The following MAGI2 variants were observed in gnomAD, a reference collection of about 807,000 sequenced individuals.
MAGI2 encodes membrane associated guanylate kinase, WW and PDZ domain containing 2.
A neutral mutation model predicts 133.3 loss-of-function variants in MAGI2; 35 were observed. The ratio of observed to expected loss-of-function variants is 0.26; its 90% confidence interval spans 0.20 to 0.35. The LOEUF (loss-of-function observed/expected upper bound fraction) is 0.35, where lower values mean the gene tolerates loss of function less well. Among genes scored for constraint, MAGI2 ranks in the 10% least tolerant of loss-of-function variants. The probability of loss-of-function intolerance (pLI) is 1.00; values close to 1 mark genes in which losing one functional copy is unlikely to be tolerated. For missense variants in MAGI2, 1,636 were observed against 1,863.4 expected (o/e 0.88, Z 2.25); for synonymous variants, 729 against 710.6 (o/e 1.03, Z -0.41).
At chr7:78,182,237 G>T (rs892679170) in intron 13 of MAGI2, among the ~76,000 whole-genome samples, 10 of 152,082 alleles carry the variant, frequency 6.6e-5, no homozygotes, top group Non-Finnish European at 1.2e-4. Flanking sequence ...AATCAAAAAA[G>T]GTTATTAAAC....
chr7:78,410,873 C>G (rs1797809177), intron 6 of MAGI2, among the ~76,000 whole-genome samples: 1 of 151,868 alleles, frequency 6.6e-6, no homozygotes. Context: ...ATATATAAAC[C>G]TTCATAATTG....
intron 2 of MAGI2, among the ~76,000 whole-genome samples, chr7:78,809,791 A>G (rs1335203248): frequency 2.0e-5 from 3 of 152,186 alleles, no homozygotes; most frequent in Non-Finnish European, 4.4e-5. Context: ...CAGAATAATC[A>G]TGTACATTTG....
intron 1 of MAGI2, among the ~76,000 whole-genome samples, chr7:79,018,934 G>T (rs4730619): frequency 0.59 from 89,296 of 151,918 alleles, 26,571 homozygotes; most frequent in East Asian, 0.63. Context: ...AACCACAAAA[G>T]AATAATGGAA....
At chr7:79,395,934 C>T (rs76530656) in intron 1 of MAGI2, among the ~76,000 whole-genome samples, 1,534 of 152,176 alleles carry the variant, frequency 0.01, 36 homozygotes, top group African/African-American at 0.035. Flanking sequence ...ATAGATATTG[C>T]TCTTAAAGTA....
At chr7:78,155,656 G>C (rs535994149) in intron 16 of MAGI2, among the ~76,000 whole-genome samples, 15 of 152,016 alleles carry the variant, frequency 9.9e-5, no homozygotes, top group Non-Finnish European at 1.6e-4. Context: ...AAACAAACAA[G>C]CAAAAAGATA....
intron 1 of MAGI2, among the ~76,000 whole-genome samples, chr7:79,311,121 A>G (rs557088417): frequency 6.6e-6 from 1 of 152,112 alleles, no homozygotes; most frequent in East Asian, 1.9e-4. Flanking sequence ...TCCCTTTTCC[A>G]TCAAAACTGC....
At chr7:78,780,514 T>G (rs1465966223) in intron 2 of MAGI2, among the ~76,000 whole-genome samples, 1 of 152,212 alleles carries the variant, frequency 6.6e-6, no homozygotes, top group Non-Finnish European at 1.5e-5. Flanking sequence ...ATTAGGCAGA[T>G]TACTAGTATT....
At chr7:78,636,815 AAACC>A (rs1160914621) in intron 2 of MAGI2, among the ~76,000 whole-genome samples, 4 of 150,192 alleles carry the variant, frequency 2.7e-5, no homozygotes, top group Non-Finnish European at 2.9e-5. Flanking sequence ...AAAAAAACCA[AAACC>A]AAACAAACAA....
intron 1 of MAGI2, among the ~76,000 whole-genome samples, chr7:79,364,217 A>G (rs763790446): frequency 1.3e-5 from 2 of 152,060 alleles, no homozygotes; most frequent in Non-Finnish European, 2.9e-5. Context: ...GAACAACCAT[A>G]TGATCCAGTA....
intron 1 of MAGI2, chr7:79,413,580 G>A (rs1846287571): frequency 6.6e-6 from 1 of 152,160 alleles, no homozygotes; most frequent in African/African-American, 2.4e-5. Context: ...TACCTCAGAA[G>A]TGCACATAAT....
chr7:79,220,696 G>A (rs1164617635), intron 1 of MAGI2, among the ~76,000 whole-genome samples: 1 of 151,998 alleles, frequency 6.6e-6, no homozygotes, highest in East Asian at 1.9e-4. Flanking sequence ...CGTGCTGCCT[G>A]GAACAGTCAC....
At chr7:79,309,852 C>G (rs1563101620) in intron 1 of MAGI2, among the ~76,000 whole-genome samples, 1 of 151,050 alleles carries the variant, frequency 6.6e-6, no homozygotes. Flanking sequence ...TCCATCAGGT[C>G]AGGCGCAGTG....
chr7:78,525,504 T>A (rs988106447), intron 3 of MAGI2, among the ~76,000 whole-genome samples: 2 of 152,010 alleles, frequency 1.3e-5, no homozygotes, highest in Non-Finnish European at 2.9e-5. Context: ...CAGAAAAAAA[T>A]AAATATCAAA....
intron 2 of MAGI2, among the ~76,000 whole-genome samples, chr7:78,983,474 C>T (rs1374611803): frequency 6.6e-6 from 1 of 151,706 alleles, no homozygotes; most frequent in African/African-American, 2.4e-5. Context: ...GGGGATATTA[C>T]AATAGTACTT....
intron 1 of MAGI2, among the ~76,000 whole-genome samples, chr7:79,177,703 A>T (rs1040892806): frequency 1.3e-5 from 2 of 152,096 alleles, no homozygotes; most frequent in African/African-American, 4.8e-5. Flanking sequence ...AAGATATTGT[A>T]GCACATTACT....
At chr7:78,082,560 T>TC (rs1196585176) in intron 20 of MAGI2, among the ~76,000 whole-genome samples, 1 of 152,202 alleles carries the variant, frequency 6.6e-6, no homozygotes, top group African/African-American at 2.4e-5. Context: ...CTATGCCCTT[T>TC]CCCCATTCCA....
At chr7:79,450,996 C>T (rs572465394) in intron 1 of MAGI2, among the ~76,000 whole-genome samples, 1 of 152,308 alleles carries the variant, frequency 6.6e-6, no homozygotes, top group South Asian at 2.1e-4. Context: ...GATAGCTTTT[C>T]GCTATTTAAT....
intron 6 of MAGI2, among the ~76,000 whole-genome samples, chr7:78,392,064 T>C (rs909195860): frequency 6.6e-6 from 1 of 152,132 alleles, no homozygotes; most frequent in South Asian, 2.1e-4. Flanking sequence ...GCATTTAACA[T>C]GCTAAATAAG....
chr7:79,065,396 A>G (rs1814203547), intron 1 of MAGI2, among the ~76,000 whole-genome samples: 1 of 152,134 alleles, frequency 6.6e-6, no homozygotes, highest in Non-Finnish European at 1.5e-5. Flanking sequence ...TTAACATGGT[A>G]GCTGACACAT....
Sources: allele counts gnomAD v4.1 joint callset (sites outside exome capture counted in the v4.1 genomes callset), GRCh38; gene constraint gnomAD v4.1.1; transcripts MANE v1.5; gene names NCBI Gene and HGNC (gene_info 2026-07-23, HGNC 2026-07-21).